MYO5C: variants seen among roughly 807,000 people sequenced by gnomAD.
MYO5C encodes unconventional myosin-Vc.
Under a neutral mutation model 235.7 loss-of-function variants are expected in MYO5C, and 194 were observed. The ratio of observed to expected loss-of-function variants is 0.82; its 90% CI spans 0.73 to 0.93. The LOEUF (loss-of-function observed/expected upper bound fraction) is 0.93. Ranked by LOEUF, MYO5C falls within the 40% of genes least tolerant of loss-of-function variation. MYO5C has a pLI of 0.00. For synonymous variants in MYO5C, 707 were observed against 754.8 expected, an observed-to-expected ratio of 0.94 and a Z score of 1.04; for missense variants, 2,038 against 2,127.2, an observed-to-expected ratio of 0.96 and a Z score of 0.82.
At chr15:52,231,251 G>A (rs2035945412) in intron 24 of MYO5C, among the ~76,000 whole-genome samples, 1 of 152,178 alleles carries the variant, frequency 6.6e-6, no homozygotes, top group African/African-American at 2.4e-5. Flanking sequence ...TCCCCCCTTG[G>A]CTGACCAGGG....
intron 35 of MYO5C, among the ~76,000 whole-genome samples, chr15:52,210,169 G>A (rs979534165): frequency 6.6e-6 from 1 of 151,988 alleles, no homozygotes; most frequent in African/African-American, 2.4e-5. Flanking sequence ...TTGCCATGTT[G>A]CCCAGGCTGG....
intron 1 of MYO5C, among the ~76,000 whole-genome samples, chr15:52,291,126 A>G (rs1364875116): frequency 6.6e-6 from 1 of 152,210 alleles, no homozygotes; most frequent in East Asian, 1.9e-4. Context: ...GCTCTGCTTA[A>G]AGCACTAACA....
At position 52,216,844 on chromosome 15, in the gene MYO5C, TATAAC is replaced by T. The variant is rs2035565562; in HGVS notation, c.3954+1670_3954+1674del. Among the ~76,000 whole-genome samples, 6 of 152,220 alleles carry T rather than the reference TATAAC, an allele frequency of 3.9e-5. No individual in the cohort carries two copies. In the South Asian group the frequency reaches 1.0e-3, roughly 26 times the overall value. On this transcript the variant is annotated intron_variant, in intron 32 of 40. Transcript: ENST00000261839. Reference sequence around the variant, plus strand: ...GCTGTAAATCCAATGCAGGTGTCCTTATAACAGATGGAAAAGAACACAGAGACAGG... The same window carrying T: ...GCTGTAAATCCAATGCAGGTGTCCTTAGATGGAAAAGAACACAGAGACAGG...
chr15:52,199,596 G>A (rs562608471), intron 38 of MYO5C, among the ~76,000 whole-genome samples: 8 of 144,716 alleles, frequency 5.5e-5, no homozygotes, highest in African/African-American at 1.8e-4. Flanking sequence ...TGCCAACAAA[G>A]AGCTCCAGGG....
chr15:52,206,006 A>G (rs1290686014), intron 36 of MYO5C, 40 bp from the exon 37 acceptor site: 1 of 1,230,660 alleles, frequency 8.1e-7, no homozygotes, highest in Non-Finnish European at 1.1e-6. Flanking sequence ...GAATAATACA[A>G]ACATGTAGGA....
At chr15:52,284,918 G>T (rs1235296513) in intron 1 of MYO5C, among the ~76,000 whole-genome samples, 2 of 151,306 alleles carry the variant, frequency 1.3e-5, no homozygotes, top group Admixed American at 6.6e-5. Flanking sequence ...CAGCTCACTG[G>T]AGCCTCGAAC....
chr15:52,202,441 G>A (rs896172970), intron 38 of MYO5C, among the ~76,000 whole-genome samples: 2 of 152,130 alleles, frequency 1.3e-5, no homozygotes, highest in African/African-American at 2.4e-5. Flanking sequence ...CTGGGTACCT[G>A]GGGGGCAGGT....
intron 33 of MYO5C, 68 bp from the exon 34 acceptor site, chr15:52,213,354 A>G (rs1445661451): frequency 5.4e-6 from 6 of 1,118,712 alleles, no homozygotes; most frequent in Middle Eastern, 2.0e-4. Flanking sequence ...CAATGTGACT[A>G]CTCTCCTACC....
chr15:52,295,804 C>G lies in MYO5C; in HGVS notation c.-168G>C. The G allele has an allele frequency of 2.1e-6, 1 of 468,582 alleles. No individual in the cohort carries two copies. The highest frequency in any genetic ancestry group is 3.7e-6 in the Non-Finnish European group (1 of 272,960). The allele number at this position is 468,582 out of a possible 1,614,324, so 29.0% of individuals were successfully genotyped here. ...CCTGTTCCCGTTCCCGAGTTGGCGGCGAGGGGAGGGGGCAGCGGCGGGATT... is the reference window on the plus strand; with the variant it reads ...CCTGTTCCCGTTCCCGAGTTGGCGGGGAGGGGAGGGGGCAGCGGCGGGATT... On this transcript the variant is annotated 5_prime_UTR_variant, in exon 1 of 41. Coordinates refer to ENST00000261839, the MANE Select transcript of MYO5C (RefSeq NM_018728.4).
chr15:52,193,921 C>T lies in MYO5C; in HGVS notation c.5210G>A (p.Gly1737Asp), dbSNP rs1251166013. Residue 1737 changes from glycine to aspartate, a missense_variant, in exon 41 of 41, where the codon GGC becomes GAC. Gly to Asp is a moderately conservative substitution (Grantham distance 94). Transcript: ENST00000261839. ...MIQIPSSFKL[G>D]FLNRL ...CTCCTGCTATAACCTATTCAGAAAG[C>T]CTAGCTTGAAACTGCTGGGGATCTG... 2 of 1,612,632 alleles carry T rather than the reference C, an allele frequency of 1.2e-6. No individual in the cohort carries two copies. The highest frequency in any genetic ancestry group is 2.2e-5 in the East Asian group (1 of 44,796).
intron 23 of MYO5C, among the ~76,000 whole-genome samples, chr15:52,235,188 G>C (rs185299151): frequency 3.9e-5 from 6 of 152,306 alleles, no homozygotes; most frequent in Non-Finnish European, 7.4e-5. Context: ...TGTCACTTAG[G>C]CTAAGTAACT....
Position 52,239,947 on chromosome 15 carries a change from C to T in MYO5C, c.2557-68G>A, listed in dbSNP as rs979319535. ...GCTTCTCTAACCAACTCCTTCAACA[C>T]TGGAAGATGCAACTACCACGGTGTA... On this transcript the variant is annotated intron_variant, in intron 20 of 40. Transcript: ENST00000261839. 1.0e-5 allele frequency: 15 copies of T among 1,498,772 alleles called. No homozygotes were observed. The Admixed American group carries it at 1.6e-4, about 16-fold the overall frequency. The allele number at this position is 1,498,772 out of a possible 1,614,324, so 92.8% of individuals were successfully genotyped here.
intron 23 of MYO5C, among the ~76,000 whole-genome samples, chr15:52,235,107 G>A (rs1189453026): frequency 6.6e-6 from 1 of 152,202 alleles, no homozygotes; most frequent in Non-Finnish European, 1.5e-5. Context: ...CAGCCCTAAA[G>A]GAAGTGATAC....
At chr15:52,211,701 CA>C in intron 35 of MYO5C, 28 bp downstream of exon 35, 1 of 1,606,512 alleles carries the variant, frequency 6.2e-7, no homozygotes, top group Non-Finnish European at 8.5e-7. Flanking sequence ...GATGTGATAC[CA>C]GGGGCCAATG....
chr15:52,228,820 G>A (rs1274239206), intron 25 of MYO5C, among the ~76,000 whole-genome samples: 1 of 152,180 alleles, frequency 6.6e-6, no homozygotes, highest in Non-Finnish European at 1.5e-5. Flanking sequence ...GATTTATAGT[G>A]ATGGATTATA....
intron 20 of MYO5C, among the ~76,000 whole-genome samples, chr15:52,241,168 C>A (rs926610500): frequency 6.6e-6 from 1 of 150,526 alleles, no homozygotes; most frequent in African/African-American, 2.4e-5. Context: ...ACTTTGAATT[C>A]GTTTCTTTGG....
Position 52,193,003 on chromosome 15 carries a change from G to A in MYO5C, c.*899C>T, listed in dbSNP as rs765750929. 2.6e-5 allele frequency: 4 copies of A among 151,936 alleles called. No individual in the cohort carries two copies. Among genetic ancestry groups the A allele is most frequent in the South Asian group, 2.1e-4 (1 of 4,822 alleles). 9.4% of individuals were successfully genotyped at this position (151,936 alleles called of 1,614,324 possible). A position where few individuals can be genotyped will look rare whatever the true frequency, so the allele number is the denominator to read the frequency against. ...AAAAATACTTCAAATGATTCATCTC[G>A]GATTGAACACTCTTAAAAATTAAAA... is the stretch of plus-strand genomic sequence containing the variant. On this transcript the variant is annotated 3_prime_UTR_variant, in exon 41 of 41. Transcript: ENST00000261839.
intron 16 of MYO5C, among the ~76,000 whole-genome samples, chr15:52,246,455 C>T (rs2036346291): frequency 2.6e-5 from 4 of 152,198 alleles, no homozygotes; most frequent in Admixed American, 2.6e-4. Flanking sequence ...TCACCACCTC[C>T]ATAGACAGCT....
chr15:52,204,068 T>A (rs948494866), intron 38 of MYO5C, among the ~76,000 whole-genome samples: 1 of 152,156 alleles, frequency 6.6e-6, no homozygotes, highest in African/African-American at 2.4e-5. Flanking sequence ...AATCACTTGA[T>A]CAGTGTTAAT....
Sources: allele counts gnomAD v4.1 joint callset (sites outside exome capture counted in the v4.1 genomes callset), GRCh38; gene constraint gnomAD v4.1.1; transcripts MANE v1.5; gene names NCBI Gene and HGNC (gene_info 2026-07-23, HGNC 2026-07-21).